The following NDUFA9 variants were observed in gnomAD, a reference collection of about 807,000 sequenced individuals.
The protein encoded by NDUFA9 is NADH dehydrogenase [ubiquinone] 1 alpha subcomplex subunit 9, mitochondrial.
In NDUFA9, 23 loss-of-function variants were observed where a neutral mutation model predicts 45.9. That is an observed-to-expected ratio of 0.50 (90% confidence interval 0.36 to 0.71). The LOEUF (loss-of-function observed/expected upper bound fraction) is 0.71, where lower values mean the gene tolerates loss of function less well. NDUFA9 is among the 30% of genes least tolerant of loss of function. The probability of loss-of-function intolerance (pLI) is 0.00; values close to 1 mark genes in which losing one functional copy is unlikely to be tolerated. For synonymous variants in NDUFA9, 176 were observed against 170.5 expected (o/e 1.03, Z -0.25); for missense variants, 466 against 488.2 (o/e 0.95, Z 0.43).
chr12:4,664,751 T>C (rs1565567562), intron 6 of NDUFA9, among the ~76,000 whole-genome samples: 1 of 152,244 alleles, frequency 6.6e-6, no homozygotes, highest in Non-Finnish European at 1.5e-5. Flanking sequence ...TCTGTGAATC[T>C]AGAAGGCAAT....
chr12:4,669,041 C>T (rs1479997539), intron 7 of NDUFA9, among the ~76,000 whole-genome samples: 1 of 152,106 alleles, frequency 6.6e-6, no homozygotes, highest in East Asian at 1.9e-4. Context: ...TATACAGGGG[C>T]CCAGAGGTGA....
chr12:4,689,850 G>C lies in NDUFA9; in HGVS notation c.*2742G>C, dbSNP rs1946009527. On this transcript the variant is annotated 3_prime_UTR_variant, in exon 11 of 11. Transcript: ENST00000266544. ...GACGTGGTGGTGGCCGGGCAGAGGG[G>C]CTCCTCACTTCCCAGTAGGGGCGGC... is the stretch of plus-strand genomic sequence containing the variant. The C allele has an allele frequency of 6.0e-6, 1 of 167,524 alleles. No individual in the cohort carries two copies. The highest frequency in any genetic ancestry group is 1.6e-4 in the South Asian group (1 of 6,142). The allele number at this position is 167,524 out of a possible 1,614,324, so 10.4% of individuals were successfully genotyped here.
chr12:4,680,982 G>A (rs543436813), intron 8 of NDUFA9, among the ~76,000 whole-genome samples: 10 of 152,162 alleles, frequency 6.6e-5, no homozygotes, highest in Non-Finnish European at 1.3e-4. Context: ...TAAGGATATA[G>A]TATGTGATAA....
intron 4 of NDUFA9, 24 bp downstream of exon 4, chr12:4,657,863 T>A (rs1250149810): frequency 1.3e-6 from 2 of 1,568,522 alleles, no homozygotes; most frequent in Admixed American, 1.7e-5. Context: ...TCTTGTTTCT[T>A]CTTTGCTTAA....
At chr12:4,682,386 T>C in intron 9 of NDUFA9, 86 bp downstream of exon 9, 1 of 877,914 alleles carries the variant, frequency 1.1e-6, no homozygotes, top group South Asian at 2.1e-5. Context: ...GGTTATAGGG[T>C]GTGTGAAGGG....
intron 8 of NDUFA9, among the ~76,000 whole-genome samples, 184 bp from the exon 9 acceptor site, chr12:4,682,021 G>A (rs551195199): frequency 7.7e-4 from 117 of 152,268 alleles, no homozygotes; most frequent in Non-Finnish European, 1.4e-3. Context: ...GGGATGAGAA[G>A]GATATAGATC....
chr12:4,691,813 TGG>T lies in NDUFA9; in HGVS notation c.*4715_*4716del, dbSNP rs11351896. The T allele has an allele frequency of 1.1e-3, 151 of 137,246 alleles. 1 individual carries two copies. Among genetic ancestry groups the T allele is most frequent in the South Asian group, 4.2e-3 (16 of 3,794 alleles). 8.5% of individuals were successfully genotyped at this position (137,246 alleles called of 1,614,324 possible). A position where few individuals can be genotyped will look rare whatever the true frequency, so the allele number is the denominator to read the frequency against. On this transcript the variant is annotated 3_prime_UTR_variant, in exon 11 of 11. Coordinates refer to ENST00000266544, the MANE Select transcript of NDUFA9 (RefSeq NM_005002.5). ...CATGTGGATCCTGTGAGGGCCAGGA[TGG>T]GGGGGGGGGTCATGGGTCATCTGTG...
Position 4,682,226 on chromosome 12 carries a change from C to A in NDUFA9, c.822C>A (p.Phe274Leu). ...AFVGPSRYLL[F>L]HLVKYIFAVA... ...ATAGTCCCAGTCGGTACCTCCTTTT[C>A]CACCTGGTGAAGTACATCTTTGCTG... The change falls in exon 9 of 11, where the codon TTC becomes TTA. Residue 274 changes from phenylalanine (F) to leucine (L), a missense_variant. Transcript: ENST00000266544. 6.2e-7 allele frequency: 1 copy of A among 1,611,894 alleles called. No individual in the cohort carries two copies. Among genetic ancestry groups the A allele is most frequent in the South Asian group, 1.1e-5 (1 of 90,654 alleles).
At chr12:4,676,061 A>C (rs879896815) in intron 8 of NDUFA9, among the ~76,000 whole-genome samples, 8 of 152,264 alleles carry the variant, frequency 5.3e-5, no homozygotes, top group Admixed American at 5.2e-4. Flanking sequence ...ATTTCAATAG[A>C]TGCAGAAGGC....
chr12:4,672,639 T>A (rs1440625432), intron 8 of NDUFA9, among the ~76,000 whole-genome samples: 3 of 152,216 alleles, frequency 2.0e-5, no homozygotes, highest in Non-Finnish European at 4.4e-5. Context: ...CAGAGCCCAC[T>A]GCAGCTCAGG....
In NDUFA9 at chr12:4,693,067, T is replaced by A. The variant is rs992645002; in HGVS notation, c.*5959T>A. The A allele has an allele frequency of 6.6e-6, 1 of 152,414 alleles. No homozygotes were observed. Among genetic ancestry groups the A allele is most frequent in the Non-Finnish European group, 1.5e-5 (1 of 68,262 alleles). The allele number at this position is 152,414 out of a possible 1,614,324, so 9.4% of individuals were successfully genotyped here. ...TGGGAGGCTGAGGTGGGAGGATCAC[T>A]TGAGCCCAGGAGTTTGAGACCAGCC... On this transcript the variant is annotated 3_prime_UTR_variant, in exon 11 of 11. Transcript: ENST00000266544.
At chr12:4,655,412 T>C (rs1945784016) in intron 3 of NDUFA9, 1 of 152,772 alleles carries the variant, frequency 6.5e-6, no homozygotes, top group Non-Finnish European at 1.5e-5. Context: ...AATTGAGATA[T>C]GCTGTACGTA....
intron 9 of NDUFA9, among the ~76,000 whole-genome samples, 175 bp downstream of exon 9, chr12:4,682,475 T>A (rs943497359): frequency 2.6e-5 from 4 of 152,178 alleles, no homozygotes; most frequent in Admixed American, 6.5e-5. Flanking sequence ...TAAAAAAAAA[T>A]ATATTGGAAC....
intron 6 of NDUFA9, among the ~76,000 whole-genome samples, chr12:4,666,763 T>C (rs1019335213): frequency 1.3e-5 from 2 of 152,238 alleles, no homozygotes; most frequent in Non-Finnish European, 2.9e-5. Context: ...ACTGTTTTGA[T>C]TACTGTGCCT....
rs1395175951 is a variant in NDUFA9, at chr12:4,690,699, G to A, written c.*3591G>A. ...CACTCCAGCCTGGGAGACAGAGGGA[G>A]ACTCTGTCTAAAATAAATAATAATA... On this transcript the variant is annotated 3_prime_UTR_variant, in exon 11 of 11. Coordinates refer to ENST00000266544, the MANE Select transcript of NDUFA9 (RefSeq NM_005002.5). 2.6e-5 allele frequency: 4 copies of A among 151,938 alleles called. No homozygotes were observed. Among genetic ancestry groups the A allele is most frequent in the African/African-American group, 9.7e-5 (4 of 41,330 alleles). The allele number at this position is 151,938 out of a possible 1,614,324, so 9.4% of individuals were successfully genotyped here.
rs560227834 is a variant in NDUFA9, at chr12:4,661,911, T to C, written c.553-622T>C. ...TAGAGGTGGAAGGAAGAGGAGGTCGTTGGAGTTGAGCAGCTCAAGAACCTG... is the reference window on the plus strand; with the variant it reads ...TAGAGGTGGAAGGAAGAGGAGGTCGCTGGAGTTGAGCAGCTCAAGAACCTG... On this transcript the variant is annotated intron_variant, in intron 5 of 10. Coordinates refer to ENST00000266544, the MANE Select transcript of NDUFA9 (RefSeq NM_005002.5). Among the ~76,000 whole-genome samples, 4 of 152,170 alleles carry C rather than the reference T, an allele frequency of 2.6e-5. No individual in the cohort carries two copies. The South Asian group carries it at 8.3e-4, about 32-fold the overall frequency.
chr12:4,649,344 C>G (rs541269757), intron 1 of NDUFA9, among the ~76,000 whole-genome samples, 169 bp downstream of exon 1: 15 of 152,312 alleles, frequency 9.8e-5, no homozygotes, highest in Admixed American at 8.5e-4. Context: ...TTCCGCTTCC[C>G]CGGCTCACAT....
chr12:4,676,078 C>G (rs1192177125), intron 8 of NDUFA9, among the ~76,000 whole-genome samples: 1 of 152,164 alleles, frequency 6.6e-6, no homozygotes, highest in Non-Finnish European at 1.5e-5. Context: ...AGGCCTTCGA[C>G]AAAATTCAAC....
rs1014020235 is a variant in NDUFA9, at chr12:4,649,422, CG to C, written c.49+252del. On this transcript the variant is annotated intron_variant, in intron 1 of 10. Coordinates refer to ENST00000266544, the MANE Select transcript of NDUFA9 (RefSeq NM_005002.5). ...GCAGCTGTAAGCGAAGAGGAGAATG[CG>C]GGGGACACGTTAGGGATCGAGAGAA... Among the ~76,000 whole-genome samples, 74 of 151,324 alleles carry C rather than the reference CG, an allele frequency of 4.9e-4. 1 individual carries two copies. Among genetic ancestry groups the C allele is most frequent in the African/African-American group, 1.7e-3 (69 of 41,096 alleles).
Sources: allele counts gnomAD v4.1 joint callset (sites outside exome capture counted in the v4.1 genomes callset), GRCh38; gene constraint gnomAD v4.1.1; transcripts MANE v1.5; gene names NCBI Gene and HGNC (gene_info 2026-07-23, HGNC 2026-07-21).